Variants in STRBP observed in about 807,000 individuals in gnomAD.
STRBP encodes the protein spermatid perinuclear RNA binding protein.
STRBP carries 13 observed loss-of-function variants against 80.1 expected under a neutral mutation model. The ratio of observed to expected loss-of-function variants is 0.16; its 90% confidence interval spans 0.11 to 0.26. The LOEUF (loss-of-function observed/expected upper bound fraction) is 0.26. STRBP is among the 10% of genes least tolerant of loss of function. The pLI is 1.00. For synonymous variants in STRBP, 284 were observed against 291.2 expected (o/e 0.98, Z 0.25); for missense variants, 485 against 815.2 (o/e 0.59, Z 4.93).
At chr9:123,119,548 A>G (rs1238187697), downstream of STRBP, among the ~76,000 whole-genome samples, 1 of 151,944 alleles carries the variant, frequency 6.6e-6, no homozygotes, top group East Asian at 1.9e-4. Context: ...TTTCTTGTCT[A>G]ACCCCTAGAT....
At position 123,115,696 on chromosome 9, in the gene STRBP, G is replaced by C. The variant is rs141515898; in HGVS notation, c.*84+233C>G. ...GGCAGCATCACCAGTCAACATCAGAGTTCGTCCAAACTGACATTCCACAGC... is the reference window on the plus strand; with the variant it reads ...GGCAGCATCACCAGTCAACATCAGACTTCGTCCAAACTGACATTCCACAGC... On this transcript the variant is annotated intron_variant and NMD_transcript_variant, in intron 3 of 3. Transcript: ENST00000471564. This position sits in a 1 kb window ranked among gnomAD's most constrained non-coding sequence, Gnocchi z 5.0. 1 of 335,332 alleles carries C rather than the reference G, an allele frequency of 3.0e-6. No homozygotes were observed. The highest frequency in any genetic ancestry group is 5.9e-6 in the Non-Finnish European group (1 of 170,662). The allele number at this position is 335,332 out of a possible 1,614,324, so 20.8% of individuals were successfully genotyped here. A position where few individuals can be genotyped will look rare whatever the true frequency, so the allele number is the denominator to read the frequency against.
At chr9:123,222,767 C>T (rs1383534219) in intron 2 of STRBP, among the ~76,000 whole-genome samples, 1 of 152,136 alleles carries the variant, frequency 6.6e-6, no homozygotes, top group Non-Finnish European at 1.5e-5. Flanking sequence ...GGAGAAGGCA[C>T]CAAACCCAGA....
chr9:123,267,970 G>A (rs1041044458), intron 1 of STRBP, among the ~76,000 whole-genome samples: 1 of 150,764 alleles, frequency 6.6e-6, no homozygotes, highest in East Asian at 2.0e-4. Context: ...CATTGGGCCG[G>A]ATCCCTCTGC....
At chr9:123,205,930 T>C (rs2039497580) in intron 2 of STRBP, among the ~76,000 whole-genome samples, 1 of 152,158 alleles carries the variant, frequency 6.6e-6, no homozygotes, top group Non-Finnish European at 1.5e-5. Flanking sequence ...ACTACTGATA[T>C]TTATGAAAAA....
intron 2 of STRBP, among the ~76,000 whole-genome samples, chr9:123,232,192 A>T (rs958046429): frequency 2.6e-5 from 4 of 152,110 alleles, no homozygotes; most frequent in Non-Finnish European, 5.9e-5. Flanking sequence ...CATGCTTGAA[A>T]TTCCAGCTAC....
intron 1 of STRBP, among the ~76,000 whole-genome samples, chr9:123,242,540 G>A (rs779343950): frequency 6.6e-6 from 1 of 152,090 alleles, no homozygotes; most frequent in Non-Finnish European, 1.5e-5. Context: ...TGTACCTGTA[G>A]TCACAGCTAC....
chr9:123,185,070 A>G (rs1370312797), intron 2 of STRBP, among the ~76,000 whole-genome samples: 1 of 152,056 alleles, frequency 6.6e-6, no homozygotes, highest in Non-Finnish European at 1.5e-5. Context: ...TATATTATAA[A>G]CCTAGCTACA....
intron 5 of STRBP, 36 bp downstream of exon 5, chr9:123,173,641 C>A (rs1157070560): frequency 1.3e-6 from 2 of 1,560,730 alleles, no homozygotes; most frequent in African/African-American, 2.8e-5. Context: ...CACCTTTTTA[C>A]AAATTCGCCT....
At chr9:123,150,911 C>G (rs2037030202) in intron 11 of STRBP, among the ~76,000 whole-genome samples, 1 of 152,212 alleles carries the variant, frequency 6.6e-6, no homozygotes, top group African/African-American at 2.4e-5. Context: ...ATCTTAATCC[C>G]TGACTACACT....
chr9:123,189,812 C>G (rs1360425617), intron 2 of STRBP, among the ~76,000 whole-genome samples: 3 of 151,308 alleles, frequency 2.0e-5, no homozygotes, highest in Non-Finnish European at 4.4e-5. Context: ...CAAACCTGCA[C>G]GTTGTGCACA....
chr9:123,207,820 A>G (rs2039575400), intron 2 of STRBP, among the ~76,000 whole-genome samples: 1 of 152,196 alleles, frequency 6.6e-6, no homozygotes, highest in Non-Finnish European at 1.5e-5. Flanking sequence ...AAAATCTGAA[A>G]CAAGTTTGGT....
chr9:123,256,742 A>G (rs550129481), intron 1 of STRBP, among the ~76,000 whole-genome samples: 155 of 151,960 alleles, frequency 1.0e-3, no homozygotes, highest in Non-Finnish European at 1.7e-3. Flanking sequence ...TCACACACAC[A>G]CCCTCACTCA....
Position 123,122,962 on chromosome 9 carries a change from G to A in STRBP, c.*2635C>T. On this transcript the variant is annotated 3_prime_UTR_variant, in exon 19 of 19. Coordinates refer to ENST00000348403, the MANE Select transcript of STRBP (RefSeq NM_018387.5). Reference sequence around the variant, plus strand: ...GTTTTAAAACAGACACCGTGGCTTTGAACAAAGTATTGCTCTTCTTTAAAA... The same window carrying A: ...GTTTTAAAACAGACACCGTGGCTTTAAACAAAGTATTGCTCTTCTTTAAAA... 3.0e-6 allele frequency: 3 copies of A among 985,438 alleles called. No homozygotes were observed. Among genetic ancestry groups the A allele is most frequent in the Middle Eastern group, 5.2e-4 (1 of 1,914 alleles). The allele number at this position is 985,438 out of a possible 1,614,324, so 61.0% of individuals were successfully genotyped here. A position where few individuals can be genotyped will look rare whatever the true frequency, so the allele number is the denominator to read the frequency against.
intron 3 of STRBP, chr9:123,180,736 T>A (rs1042130474): frequency 5.6e-6 from 1 of 177,026 alleles, no homozygotes; most frequent in Non-Finnish European, 1.1e-5. Context: ...AACCTTTAAA[T>A]TTTTCCAAAT....
intron 16 of STRBP, among the ~76,000 whole-genome samples, chr9:123,135,233 A>G (rs1176738271): frequency 1.3e-5 from 2 of 152,202 alleles, no homozygotes; most frequent in Non-Finnish European, 2.9e-5. Context: ...TACATAATGG[A>G]ATCTAAATAT....
rs192906090 is a variant in STRBP at position 123,144,325 on chromosome 9, T to C, written c.1338+2530A>G. Among the ~76,000 whole-genome samples the C allele has an allele frequency of 5.3e-5, 8 of 152,356 alleles. No individual in the cohort carries two copies. In the East Asian group the frequency reaches 1.5e-3, roughly 29 times the overall value. ...GGTGCCAGGTTGTTTTGAGAATTCA[T>C]AATTTTTCAATTCTGACATCTAATA... On this transcript the variant is annotated intron_variant, in intron 13 of 18. Coordinates refer to ENST00000348403, the MANE Select transcript of STRBP (RefSeq NM_018387.5).
chr9:123,202,869 C>A (rs898352691), intron 2 of STRBP, among the ~76,000 whole-genome samples: 2 of 152,004 alleles, frequency 1.3e-5, no homozygotes, highest in Non-Finnish European at 1.5e-5. Context: ...ATTTAAAAAT[C>A]TAAAAAATAA....
chr9:123,185,171 A>G (rs999170400), intron 2 of STRBP, among the ~76,000 whole-genome samples: 3 of 152,176 alleles, frequency 2.0e-5, no homozygotes, highest in African/African-American at 7.2e-5. Context: ...CATAATTTAC[A>G]TACCATATAT....
chr9:123,244,239 G>T (rs2040755120), intron 1 of STRBP, among the ~76,000 whole-genome samples: 1 of 152,144 alleles, frequency 6.6e-6, no homozygotes, highest in Non-Finnish European at 1.5e-5. Context: ...TCAACTATAT[G>T]ACATTCTGGA....
Sources: gnomAD v4.1 joint callset for allele counts (sites outside exome capture counted in the v4.1 genomes callset) on GRCh38, gnomAD v4.1.1 for gene constraint, Gnocchi (gnomAD v3.1) non-coding constraint, MANE v1.5 for transcripts, NCBI Gene and HGNC (gene_info 2026-07-23, HGNC 2026-07-21) for gene names.